The following WDHD1 variants were observed in gnomAD, a reference collection of about 807,000 sequenced individuals.
WDHD1 encodes the protein WD repeat and HMG-box DNA-binding protein 1.
In WDHD1, 111 loss-of-function variants were observed where a neutral mutation model predicts 135.4. That is an observed-to-expected ratio of 0.82 (90% CI 0.70 to 0.96). WDHD1 has a LOEUF of 0.96. Ranked by LOEUF, WDHD1 falls within the 40% of genes least tolerant of loss-of-function variation. The probability of loss-of-function intolerance (pLI) is 0.00; values close to 1 mark genes in which losing one functional copy is unlikely to be tolerated. For missense variants in WDHD1, 1,351 were observed against 1,336.3 expected, an observed-to-expected ratio of 1.01 and a Z score of -0.17; for synonymous variants, 434 against 439.0, an observed-to-expected ratio of 0.99 and a Z score of 0.14.
rs1003537737 is a variant in WDHD1, at chr14:54,946,529, A to C, written c.3051-2059T>G. Among the ~76,000 whole-genome samples, 32 of 152,202 alleles carry C rather than the reference A, an allele frequency of 2.1e-4. 1 individual carries two copies. Among genetic ancestry groups the C allele is most frequent in the Non-Finnish European group, 1.5e-5 (1 of 68,030 alleles). ...GAGAAAGGGTCTTGCTTTGTCGCCCAGGCTGGAGTGCAGTGGTATAATCAG... is the reference window on the plus strand; with the variant it reads ...GAGAAAGGGTCTTGCTTTGTCGCCCCGGCTGGAGTGCAGTGGTATAATCAG... On this transcript the variant is annotated intron_variant, in intron 24 of 25. Coordinates refer to ENST00000360586, the MANE Select transcript of WDHD1 (RefSeq NM_007086.4).
intron 12 of WDHD1, among the ~76,000 whole-genome samples, chr14:54,990,273 A>G (rs1236996539): frequency 6.6e-6 from 1 of 152,134 alleles, no homozygotes; most frequent in Non-Finnish European, 1.5e-5. Flanking sequence ...AATGGAAAAC[A>G]TCATATAACC....
intron 17 of WDHD1, among the ~76,000 whole-genome samples, chr14:54,967,026 C>A (rs945934294): frequency 2.0e-5 from 3 of 152,206 alleles, no homozygotes; most frequent in Admixed American, 6.5e-5. Flanking sequence ...ATGCCCCATC[C>A]TGAGAGTAAG....
In WDHD1 at chr14:55,000,589, C is replaced by A. The variant is rs1004159947; in HGVS notation, c.856G>T (p.Gly286Cys). 3.1e-6 allele frequency: 5 copies of A among 1,606,078 alleles called. No homozygotes were observed. The highest frequency in any genetic ancestry group is 4.3e-6 in the Non-Finnish European group (5 of 1,175,908). Residue 286 changes from glycine to cysteine, a missense_variant, in exon 10 of 26, where the codon GGT becomes TGT. Transcript: ENST00000360586. ...ICGLAWHPTC[G>C]RISYTDAEGN... is the part of the protein sequence containing the mutation. ...TCCGCATCAGTATACGATATTCGACCACAAGTAGGATGCCATGCCAGACCA... is the reference window on the plus strand; with the variant it reads ...TCCGCATCAGTATACGATATTCGACAACAAGTAGGATGCCATGCCAGACCA...
chr14:54,951,167 T>C (rs570455190), intron 24 of WDHD1, among the ~76,000 whole-genome samples: 5 of 151,724 alleles, frequency 3.3e-5, no homozygotes, highest in South Asian at 2.1e-4. Context: ...CTGAAGGAGA[T>C]AGAGACACAA....
chr14:54,999,760 T>C (rs548823220), intron 10 of WDHD1, among the ~76,000 whole-genome samples: 9 of 152,060 alleles, frequency 5.9e-5, no homozygotes, highest in African/African-American at 2.2e-4. Flanking sequence ...ACCACCACAC[T>C]TGCCTAATTT....
chr14:54,968,171 G>A (rs1433207825), intron 16 of WDHD1, among the ~76,000 whole-genome samples: 1 of 152,054 alleles, frequency 6.6e-6, no homozygotes, highest in Non-Finnish European at 1.5e-5. Flanking sequence ...CATATATTCT[G>A]AGACCATAGT....
intron 2 of WDHD1, among the ~76,000 whole-genome samples, chr14:55,014,328 G>T (rs2042225407): frequency 6.6e-6 from 1 of 152,184 alleles, no homozygotes; most frequent in African/African-American, 2.4e-5. Context: ...GGGCTCAAGG[G>T]ATCTGCCTGT....
At position 54,944,521 on chromosome 14, in the gene WDHD1, G is replaced by A. The variant is rs777898164; in HGVS notation, c.3051-51C>T. 1.1e-5 allele frequency: 17 copies of A among 1,491,510 alleles called. No individual in the cohort carries two copies. In the South Asian group the frequency reaches 1.8e-4, roughly 16 times the overall value. The allele number at this position is 1,491,510 out of a possible 1,614,324, so 92.4% of individuals were successfully genotyped here. On this transcript the variant is annotated intron_variant, in intron 24 of 25. Coordinates refer to ENST00000360586, the MANE Select transcript of WDHD1 (RefSeq NM_007086.4). The stretch of plus-strand genomic sequence containing the variant: ...TTTTATACTTAAGACAGAGTTTAAA[G>A]TGCCTCATGATTTTAAGTTAGTAAT...
chr14:54,944,305 T>C (rs370217613), intron 25 of WDHD1, 27 bp downstream of exon 25: 8 of 1,599,038 alleles, frequency 5.0e-6, no homozygotes, highest in Non-Finnish European at 6.8e-6. Context: ...TTCACTAAGA[T>C]CTCAATCTCG....
intron 22 of WDHD1, 64 bp downstream of exon 22, chr14:54,957,528 T>A (rs1379735397): frequency 7.2e-7 from 1 of 1,382,920 alleles, no homozygotes; most frequent in African/African-American, 1.5e-5. Flanking sequence ...TCTCATCATT[T>A]GGAAATATTT....
intron 24 of WDHD1, among the ~76,000 whole-genome samples, chr14:54,949,003 G>A (rs891357080): frequency 2.0e-5 from 3 of 152,114 alleles, no homozygotes; most frequent in South Asian, 4.1e-4. Flanking sequence ...CCATGTGTAC[G>A]TCACCATCAT....
At chr14:54,954,839 C>A (rs1000694757) in intron 24 of WDHD1, among the ~76,000 whole-genome samples, 3 of 152,148 alleles carry the variant, frequency 2.0e-5, no homozygotes, top group Non-Finnish European at 4.4e-5. Context: ...AAGTGATTCT[C>A]CTGCCTCAGC....
rs551191558 is a variant in WDHD1, at chr14:54,971,927, C to T, written c.2064-4533G>A. Among the ~76,000 whole-genome samples the T allele has an allele frequency of 3.9e-5, 6 of 151,998 alleles. No individual in the cohort carries two copies. The South Asian group carries it at 8.3e-4, about 21-fold the overall frequency. ...CAAGGCTGGGAACGGTGGGTCACACCCATAATCCCAGAACTTTGGGAGGCT... is the reference window on the plus strand; with the variant it reads ...CAAGGCTGGGAACGGTGGGTCACACTCATAATCCCAGAACTTTGGGAGGCT... On this transcript the variant is annotated intron_variant, in intron 16 of 25. Transcript: ENST00000360586.
At chr14:54,947,484 A>G (rs1039729845) in intron 24 of WDHD1, among the ~76,000 whole-genome samples, 5 of 152,256 alleles carry the variant, frequency 3.3e-5, no homozygotes, top group Non-Finnish European at 5.9e-5. Flanking sequence ...TGGTTAACAT[A>G]AAGTCATTAA....
chr14:54,962,093 C>A (rs1055900083), intron 21 of WDHD1, among the ~76,000 whole-genome samples: 32 of 152,334 alleles, frequency 2.1e-4, no homozygotes, highest in Middle Eastern at 6.8e-3. Flanking sequence ...CTCCGGCCTC[C>A]CAAAGTGCTG....
intron 2 of WDHD1, among the ~76,000 whole-genome samples, chr14:55,020,197 GA>G (rs2042322700): frequency 6.6e-6 from 1 of 152,276 alleles, no homozygotes; most frequent in East Asian, 1.9e-4. Context: ...TGGTACTAGA[GA>G]CAAAATCAAA....
intron 4 of WDHD1, among the ~76,000 whole-genome samples, chr14:55,009,532 A>G (rs2140222979): frequency 6.6e-6 from 1 of 152,054 alleles, no homozygotes; most frequent in Non-Finnish European, 1.5e-5. Context: ...CCCGGGTTCA[A>G]GCAATTCTCC....
chr14:54,944,396 T>A lies in WDHD1; in HGVS notation c.3125A>T (p.Asp1042Val). The A allele has an allele frequency of 6.2e-7, 1 of 1,608,850 alleles. No homozygotes were observed. The highest frequency in any genetic ancestry group is 8.5e-7 in the Non-Finnish European group (1 of 1,179,110). ...TCCTTCTTTTATTATGTCTGCTTCA[T>A]CTGAAAAGTCAGGATTGTCAGACAA... is the stretch of plus-strand genomic sequence containing the variant. ...NILSDNPDFS[D>V]EADIIKEGMI... Residue 1042 changes from aspartate to valine, a missense_variant, in exon 25 of 26, where the codon GAT becomes GTT. Physicochemically the swap from Asp to Val is radical, Grantham distance 152 (BLOSUM62 -3). Coordinates refer to ENST00000360586, the MANE Select transcript of WDHD1 (RefSeq NM_007086.4).
chr14:54,965,252 T>A (rs2041322197), intron 18 of WDHD1, among the ~76,000 whole-genome samples: 1 of 152,102 alleles, frequency 6.6e-6, no homozygotes. Context: ...GTAAGACAAA[T>A]AAAGAAGAAA....
Sources: gnomAD v4.1 joint callset for allele counts (sites outside exome capture counted in the v4.1 genomes callset) on GRCh38, gnomAD v4.1.1 for gene constraint, MANE v1.5 for transcripts, NCBI Gene and HGNC (gene_info 2026-07-23, HGNC 2026-07-21) for gene names.